PRPF39: variants seen among roughly 807,000 people sequenced by gnomAD.
PRPF39 encodes pre-mRNA processing factor 39, also known as pre-mRNA-processing factor 39.
Under a neutral mutation model 82.1 loss-of-function variants are expected in PRPF39, and 27 were observed. The ratio of observed to expected loss-of-function variants is 0.33; its 90% CI spans 0.24 to 0.45. The LOEUF is 0.45. Ranked by LOEUF, PRPF39 falls within the 20% of genes least tolerant of loss-of-function variation. The pLI is 1.00. For missense variants in PRPF39, 581 were observed against 796.9 expected, an observed-to-expected ratio of 0.73 and a Z score of 3.26; for synonymous variants, 261 against 256.4, an observed-to-expected ratio of 1.02 and a Z score of -0.17.
At chr14:45,095,662 CAT>C in intron 2 of PRPF39, 99 bp downstream of exon 2, 1 of 1,385,370 alleles carries the variant, frequency 7.2e-7, no homozygotes, top group Admixed American at 2.9e-5. Flanking sequence ...AAAATTGACT[CAT>C]AATTTTCAAA....
At chr14:45,112,904 G>T (rs1884735139) in intron 11 of PRPF39, among the ~76,000 whole-genome samples, 1 of 152,174 alleles carries the variant, frequency 6.6e-6, no homozygotes, top group South Asian at 2.1e-4. Flanking sequence ...TGGAGAAGAG[G>T]ATGGATATGG....
intron 5 of PRPF39, among the ~76,000 whole-genome samples, chr14:45,104,329 CT>C (rs1884460975): frequency 6.6e-6 from 1 of 152,086 alleles, no homozygotes; most frequent in South Asian, 2.1e-4. Context: ...AACCACTTTC[CT>C]TATCAGTTAT....
chr14:45,098,617 CT>C (rs1436297791), intron 4 of PRPF39, among the ~76,000 whole-genome samples: 3 of 152,160 alleles, frequency 2.0e-5, no homozygotes, highest in Non-Finnish European at 4.4e-5. Flanking sequence ...TCTCCAGCAG[CT>C]TTGTAGAAGG....
chr14:45,114,700 G>A (rs775106739), intron 13 of PRPF39, 86 bp downstream of exon 13: 2 of 1,481,782 alleles, frequency 1.3e-6, no homozygotes, highest in East Asian at 2.3e-5. Flanking sequence ...AAAAGTTTTT[G>A]TTCCAATTGT....
At position 45,112,498 on chromosome 14, in the gene PRPF39, A is replaced by T. The variant is rs781113365; in HGVS notation, c.1753A>T (p.Asn585Tyr). The T allele has an allele frequency of 1.3e-6, 2 of 1,502,080 alleles. No individual in the cohort carries two copies. The highest frequency in any genetic ancestry group is 4.8e-5 in the East Asian group (2 of 41,344). 93.0% of individuals were successfully genotyped at this position (1,502,080 alleles called of 1,614,324 possible). Reference sequence around the variant, plus strand: ...TCTTGAAGATTTTGGTTCCGATGTTAATAAGTAAGATATTAGTTATATTAC... The same window carrying T: ...TCTTGAAGATTTTGGTTCCGATGTTTATAAGTAAGATATTAGTTATATTAC... ...EFLEDFGSDV[N>Y]KLLNAYDEHQ... The change falls in exon 11 of 14, where the codon AAT (asparagine) becomes TAT (tyrosine). Residue 585 changes from asparagine to tyrosine, a missense_variant. Coordinates refer to ENST00000355765, the MANE Select transcript of PRPF39 (RefSeq NM_017922.4).
chr14:45,102,744 G>C, intron 5 of PRPF39, 48 bp downstream of exon 5: 1 of 1,437,184 alleles, frequency 7.0e-7, no homozygotes, highest in Non-Finnish European at 9.5e-7. Flanking sequence ...TACTCAGATA[G>C]TTGGTAATAT....
intron 4 of PRPF39, among the ~76,000 whole-genome samples, chr14:45,101,232 G>T (rs1165936406): frequency 6.6e-6 from 1 of 151,988 alleles, no homozygotes; most frequent in African/African-American, 2.4e-5. Flanking sequence ...ATTTTTTCTT[G>T]TTCCACTAAA....
At chr14:45,089,047 T>G (rs1883934882) in intron 1 of PRPF39, among the ~76,000 whole-genome samples, 1 of 152,240 alleles carries the variant, frequency 6.6e-6, no homozygotes, top group Admixed American at 6.5e-5. Context: ...ATTCTGTAGG[T>G]TGCCTTTTCA....
At position 45,108,160 on chromosome 14, in the gene PRPF39, A is replaced by G. The variant is rs148210780; in HGVS notation, c.904-255A>G. ...CCAAAAAAAACTTAGCTTAGAAGGAATATTTTGCCTAGGTTGTGTATCTAC... is the reference window on the plus strand; with the variant it reads ...CCAAAAAAAACTTAGCTTAGAAGGAGTATTTTGCCTAGGTTGTGTATCTAC... On this transcript the variant is annotated intron_variant, in intron 6 of 13. Transcript: ENST00000355765. Among the ~76,000 whole-genome samples the G allele has an allele frequency of 1.3e-3, 199 of 152,306 alleles. 1 individual carries two copies. Among genetic ancestry groups the G allele is most frequent in the Middle Eastern group, 6.8e-3 (2 of 294 alleles).
intron 4 of PRPF39, among the ~76,000 whole-genome samples, chr14:45,099,038 A>G (rs1417227935): frequency 1.3e-5 from 2 of 152,234 alleles, no homozygotes; most frequent in East Asian, 1.9e-4. Context: ...GAGAAGTCCA[A>G]TACCATTCTT....
intron 1 of PRPF39, among the ~76,000 whole-genome samples, chr14:45,084,992 CAT>C (rs1344860660): frequency 1.3e-5 from 2 of 152,078 alleles, no homozygotes; most frequent in Non-Finnish European, 2.9e-5. Flanking sequence ...GTTTGATACT[CAT>C]ATGGCCTTCT....
chr14:45,114,645 A>G (rs1884786510), intron 13 of PRPF39, 31 bp downstream of exon 13: 2 of 1,584,052 alleles, frequency 1.3e-6, no homozygotes, highest in Non-Finnish European at 1.7e-6. Context: ...TTCTTTGTTC[A>G]TAGATGTTAT....
rs764867972 is a variant in PRPF39, at chr14:45,112,417, C to T, written c.1672C>T (p.His558Tyr). Residue 558 changes from histidine to tyrosine, a missense_variant, in exon 11 of 14, where the codon CAT (histidine) becomes TAT (tyrosine). By Grantham distance (83) the His-to-Tyr change is moderately conservative. Coordinates refer to ENST00000355765, the MANE Select transcript of PRPF39 (RefSeq NM_017922.4). ...NILNCFDKAVHGSLPIKMRIT... is the reference protein window; with the variant it reads ...NILNCFDKAVYGSLPIKMRIT... ...CCTAAATTGTTTTGACAAAGCTGTA[C>T]ATGGTTCATTACCTATTAAAATGAG... is the stretch of plus-strand genomic sequence containing the variant. The T allele has an allele frequency of 5.7e-6, 9 of 1,571,908 alleles. No individual in the cohort carries two copies. In the African/African-American group the frequency reaches 1.1e-4, roughly 19 times the overall value.
chr14:45,104,116 G>A (rs1328063982), intron 5 of PRPF39, among the ~76,000 whole-genome samples: 1 of 152,012 alleles, frequency 6.6e-6, no homozygotes, highest in Non-Finnish European at 1.5e-5. Flanking sequence ...AGACAGTATG[G>A]CCCTGAAGTT....
Position 45,110,569 on chromosome 14 carries a change from A to C in PRPF39, c.1324A>C (p.Asn442His). 1 of 1,562,708 alleles carries C rather than the reference A, an allele frequency of 6.4e-7. No homozygotes were observed. The highest frequency in any genetic ancestry group is 8.7e-7 in the Non-Finnish European group (1 of 1,151,948). Residue 442 changes from asparagine (N) to histidine (H), a missense_variant, in exon 10 of 14, where the codon AAT becomes CAT. Coordinates refer to ENST00000355765, the MANE Select transcript of PRPF39 (RefSeq NM_017922.4). The surrounding 1 kb of genome is among the most constrained non-coding windows in gnomAD (Gnocchi z 4.0). ...TCTAGGTAATATTAATGAAGCCAGG[A>C]ATATCTTGAAAACATTTGAAGAATG... ...EQQGNINEAR[N>H]ILKTFEECVL...
rs200537096 is a variant in PRPF39 at position 45,110,574 on chromosome 14, C to T, written c.1329C>T (p.Ile443=). ...GTAATATTAATGAAGCCAGGAATAT[C>T]TTGAAAACATTTGAAGAATGTGTTC... ...QQGNINEARN[I]LKTFEECVLG... The change falls in exon 10 of 14, where the codon ATC becomes ATT. Residue 443 remains isoleucine, a synonymous_variant. Transcript: ENST00000355765. This position sits in a 1 kb window ranked among gnomAD's most constrained non-coding sequence, Gnocchi z 4.0. 6.4e-7 allele frequency: 1 copy of T among 1,564,148 alleles called. No individual in the cohort carries two copies. Among genetic ancestry groups the T allele is most frequent in the Non-Finnish European group, 8.7e-7 (1 of 1,152,868 alleles).
chr14:45,106,328 A>G (rs922050074), intron 5 of PRPF39, among the ~76,000 whole-genome samples: 1 of 152,146 alleles, frequency 6.6e-6, no homozygotes, highest in Non-Finnish European at 1.5e-5. Flanking sequence ...TAGCCTGGGC[A>G]ACAGAGCAGG....
At chr14:45,114,331 T>C in intron 12 of PRPF39, 74 bp downstream of exon 12, 2 of 1,404,306 alleles carry the variant, frequency 1.4e-6, no homozygotes, top group South Asian at 1.3e-5. Flanking sequence ...TGTTTTTAAG[T>C]GTTACTTTTA....
chr14:45,102,094 T>C (rs1884394082), intron 4 of PRPF39, among the ~76,000 whole-genome samples: 1 of 152,064 alleles, frequency 6.6e-6, no homozygotes, highest in Non-Finnish European at 1.5e-5. Flanking sequence ...GGCATGAGCC[T>C]GTAATCACGC....
Sources: allele counts gnomAD v4.1 joint callset (sites outside exome capture counted in the v4.1 genomes callset), GRCh38; gene constraint gnomAD v4.1.1; non-coding constraint Gnocchi (gnomAD v3.1); transcripts MANE v1.5; gene names NCBI Gene and HGNC (gene_info 2026-07-23, HGNC 2026-07-21).